Variants in SVIL observed in about 807,000 individuals in gnomAD.
The protein encoded by SVIL is supervillin, also known as archvillin.
In SVIL, 101 loss-of-function variants were observed where a neutral mutation model predicts 240.4. The observed-to-expected ratio is 0.42, with a 90% CI of 0.36 to 0.50. The LOEUF (loss-of-function observed/expected upper bound fraction) is 0.50, where lower values mean the gene tolerates loss of function less well. SVIL is among the 20% of genes least tolerant of loss of function. SVIL has a pLI of 0.01. For missense variants in SVIL, 2,512 were observed against 2,818.7 expected (o/e 0.89, Z 2.46); for synonymous variants, 999 against 1,100.0 (o/e 0.91, Z 1.82).
At chr10:29,531,409 C>T in intron 9 of SVIL, 121 bp from the exon 10 acceptor site, 2 of 957,404 alleles carry the variant, frequency 2.1e-6, no homozygotes, top group South Asian at 3.0e-5. Flanking sequence ...GAAATAACCT[C>T]CTGGTAGCAA....
At chr10:29,553,857 C>T (rs956037259) in intron 5 of SVIL, among the ~76,000 whole-genome samples, 1 of 152,108 alleles carries the variant, frequency 6.6e-6, no homozygotes, top group Non-Finnish European at 1.5e-5. Context: ...GAGTAAGAAC[C>T]GTACTCATTC....
chr10:29,547,045 T>G (rs1201145594), intron 6 of SVIL, among the ~76,000 whole-genome samples: 1 of 152,218 alleles, frequency 6.6e-6, no homozygotes, highest in Non-Finnish European at 1.5e-5. Flanking sequence ...TACAGTTATT[T>G]AGGTCACCAA....
chr10:29,652,548 A>G (rs1305878986), intron 3 of SVIL, among the ~76,000 whole-genome samples: 2 of 152,204 alleles, frequency 1.3e-5, no homozygotes, highest in Non-Finnish European at 2.9e-5. Flanking sequence ...AGGTATAGGT[A>G]TATGTATAGG....
chr10:29,554,490 TA>T (rs946101896), intron 5 of SVIL, among the ~76,000 whole-genome samples: 24 of 148,098 alleles, frequency 1.6e-4, no homozygotes, highest in Non-Finnish European at 3.2e-4. Flanking sequence ...CAAAAATGTT[TA>T]AAAAAAAAAA....
chr10:29,581,798 C>G (rs1955956706), intron 1 of SVIL, among the ~76,000 whole-genome samples: 1 of 152,122 alleles, frequency 6.6e-6, no homozygotes, highest in African/African-American at 2.4e-5. Context: ...GAATGGTCAG[C>G]TGATTGTCAG....
chr10:29,647,971 C>CAAA (rs3030628), intron 3 of SVIL, among the ~76,000 whole-genome samples: 27 of 96,306 alleles, frequency 2.8e-4, no homozygotes, highest in African/African-American at 3.6e-4. Flanking sequence ...TTGTCAATAT[C>CAAA]AAAAAAAAAA....
chr10:29,470,226 C>G, intron 32 of SVIL, 50 bp downstream of exon 32: 3 of 1,597,552 alleles, frequency 1.9e-6, no homozygotes, highest in Non-Finnish European at 2.6e-6. Context: ...TGCCCCGTCC[C>G]TCTGGGAAGC....
chr10:29,533,159 T>C lies in SVIL; in HGVS notation c.1208A>G (p.Lys403Arg), dbSNP rs760390105. 1.9e-6 allele frequency: 3 copies of C among 1,614,124 alleles called. No individual in the cohort carries two copies. Among genetic ancestry groups the C allele is most frequent in the Non-Finnish European group, 2.5e-6 (3 of 1,180,024 alleles). Residue 403 changes from lysine (K) to arginine (R), a missense_variant, in exon 8 of 38, where the codon AAA (lysine) becomes AGA (arginine). Lys to Arg is a conservative substitution (Grantham distance 26). Transcript: ENST00000355867. Reference protein sequence around the residue: ...WVASATQNVPKPPSLTVLEGD... With the variant: ...WVASATQNVPRPPSLTVLEGD... Reference sequence around the variant, plus strand: ...TTCTAGAACCGTCAAGCTGGGAGGTTTGGGGACATTCTGGGTGGCTGATGC... The same window carrying C: ...TTCTAGAACCGTCAAGCTGGGAGGTCTGGGGACATTCTGGGTGGCTGATGC...
chr10:29,521,508 T>G (rs763165064), intron 16 of SVIL, among the ~76,000 whole-genome samples: 15 of 152,194 alleles, frequency 9.9e-5, no homozygotes, highest in Non-Finnish European at 2.2e-4. Context: ...ACTGAATACT[T>G]TCTCCTTTTT....
At chr10:29,659,111 C>T (rs966249960) in intron 2 of SVIL, among the ~76,000 whole-genome samples, 4 of 152,282 alleles carry the variant, frequency 2.6e-5, no homozygotes, top group East Asian at 1.9e-4. Context: ...GTTTGCCTGA[C>T]GAGGTGCAAT....
intron 3 of SVIL, chr10:29,647,294 A>G (rs769386936): frequency 1.3e-5 from 2 of 152,092 alleles, no homozygotes; most frequent in Non-Finnish European, 2.9e-5. Flanking sequence ...AGCCTAAACC[A>G]TCACTTGGCT....
At chr10:29,681,444 C>T (rs943694) in intron 2 of SVIL, among the ~76,000 whole-genome samples, 34,433 of 102,858 alleles carry the variant, frequency 0.33, 4,082 homozygotes, top group East Asian at 0.4. Context: ...TGTGTGTGTA[C>T]GTGTGTTGAG....
At chr10:29,548,211 T>C (rs1358663011) in intron 6 of SVIL, among the ~76,000 whole-genome samples, 1 of 152,198 alleles carries the variant, frequency 6.6e-6, no homozygotes, top group Non-Finnish European at 1.5e-5. Context: ...TATGTGTTAC[T>C]GCCACTTAGA....
intron 17 of SVIL, among the ~76,000 whole-genome samples, chr10:29,504,160 T>C (rs1326191773): frequency 6.6e-6 from 1 of 152,148 alleles, no homozygotes; most frequent in African/African-American, 2.4e-5. Flanking sequence ...AAAAACTAGA[T>C]ACAAATTTTC....
In SVIL at chr10:29,532,988, T is replaced by C; in HGVS notation, c.1379A>G (p.Glu460Gly). 6.2e-7 allele frequency: 1 copy of C among 1,614,128 alleles called. No individual in the cohort carries two copies. Among genetic ancestry groups the C allele is most frequent in the Non-Finnish European group, 8.5e-7 (1 of 1,180,024 alleles). ...EQSKKTLLAL[E>G]GDGLVRSPED... ...TGGGCTTCTCACTAGCCCATCACCC[T>C]CCAAAGCCAGTAGGGTTTTCTTGCT... Residue 460 changes from glutamate to glycine, a missense_variant, in exon 8 of 38, where the codon GAG becomes GGG. Around this residue, in one of 3 missense-constraint regions of SVIL, gnomAD observed 1,443 missense variants for 1,486.6 expected, o/e 0.97. Coordinates refer to ENST00000355867, the MANE Select transcript of SVIL (RefSeq NM_021738.3).
intron 1 of SVIL, among the ~76,000 whole-genome samples, chr10:29,697,316 T>C (rs1303098902): frequency 1.2e-5 from 1 of 84,484 alleles, no homozygotes; most frequent in African/African-American, 5.2e-5. Context: ...CTGGGAGGTG[T>C]ACCCAACAGC....
chr10:29,590,444 G>A (rs1390277994), intron 1 of SVIL, among the ~76,000 whole-genome samples: 1 of 152,062 alleles, frequency 6.6e-6, no homozygotes, highest in Non-Finnish European at 1.5e-5. Context: ...ACATTAAAAC[G>A]GTGCCAACCG....
intron 1 of SVIL, among the ~76,000 whole-genome samples, chr10:29,617,442 G>T (rs185636367): frequency 6.6e-6 from 1 of 151,960 alleles, no homozygotes; most frequent in Non-Finnish European, 1.5e-5. Flanking sequence ...TTAGCCAGGC[G>T]TGGTGGTGCG....
chr10:29,460,935 A>G (rs1007706067), intron 36 of SVIL, among the ~76,000 whole-genome samples: 4 of 152,110 alleles, frequency 2.6e-5, no homozygotes, highest in African/African-American at 9.7e-5. Flanking sequence ...GAAGCTTACC[A>G]GACCCCTTAC....
Sources: allele counts gnomAD v4.1 joint callset (sites outside exome capture counted in the v4.1 genomes callset), GRCh38; gene constraint gnomAD v4.1.1; regional missense constraint gnomAD v4.1.1; transcripts MANE v1.5; gene names NCBI Gene and HGNC (gene_info 2026-07-23, HGNC 2026-07-21).